Variants in FBXW10B observed in about 807,000 individuals in gnomAD.
The protein encoded by FBXW10B is F-box and WD repeat domain containing protein 10B.
the FBXW10B span, among the ~76,000 whole-genome samples, chr17:15,591,569 C>G: frequency 2.0e-5 from 3 of 152,114 alleles, no homozygotes; most frequent in African/African-American, 7.2e-5. Context: ...ATTACAAGCA[C>G]GAGCCACTGC....
chr17:15,607,013 T>C, the FBXW10B span, among the ~76,000 whole-genome samples: 4 of 152,132 alleles, frequency 2.6e-5, no homozygotes, highest in Non-Finnish European at 5.9e-5. Context: ...TGTCAGAGTA[T>C]GCAATTATAA....
the FBXW10B span, among the ~76,000 whole-genome samples, chr17:15,618,692 T>A: frequency 6.6e-6 from 1 of 152,128 alleles, no homozygotes; most frequent in Non-Finnish European, 1.5e-5. Flanking sequence ...GACACCAGCA[T>A]TAAGGGGTCA....
At chr17:15,615,325 T>C in the FBXW10B span, among the ~76,000 whole-genome samples, 17 of 111,886 alleles carry the variant, frequency 1.5e-4, no homozygotes, top group Non-Finnish European at 2.2e-4. Context: ...GGCTTTCTTT[T>C]TTTTTTTTTT....
chr17:15,589,978 G>A, the FBXW10B span, among the ~76,000 whole-genome samples: 18 of 152,270 alleles, frequency 1.2e-4, no homozygotes, highest in South Asian at 8.3e-4. Flanking sequence ...ATTCTAAAAC[G>A]TATGTGCTTG....
chr17:15,586,354 C>T, the FBXW10B span, among the ~76,000 whole-genome samples: 1 of 151,426 alleles, frequency 6.6e-6, no homozygotes, highest in Non-Finnish European at 1.5e-5. Context: ...CACTATTCTT[C>T]CATCCAAGCG....
At chr17:15,568,359 A>T in the FBXW10B span, among the ~76,000 whole-genome samples, 218 of 151,796 alleles carry the variant, frequency 1.4e-3, 3 homozygotes, top group Non-Finnish European at 1.3e-4. Flanking sequence ...TATGTGTGTA[A>T]TGTGCTAAAT....
At chr17:15,594,706 A>G in the FBXW10B span, 1 of 1,607,568 alleles carries the variant, frequency 6.2e-7, no homozygotes, top group Non-Finnish European at 8.5e-7. Context: ...CGGGGAAGGG[A>G]AGGACACCAG....
At chr17:15,596,068 A>G in the FBXW10B span, among the ~76,000 whole-genome samples, 1 of 151,656 alleles carries the variant, frequency 6.6e-6, no homozygotes, top group Admixed American at 6.6e-5. Context: ...TCTTTTTTTT[A>G]GTAGAGACAG....
At chr17:15,595,973 G>A in the FBXW10B span, among the ~76,000 whole-genome samples, 1 of 145,582 alleles carries the variant, frequency 6.9e-6, no homozygotes, top group Admixed American at 7.0e-5. Context: ...CTGCCTCCCT[G>A]ATTCAAGCAA....
At chr17:15,618,546 T>G in the FBXW10B span, among the ~76,000 whole-genome samples, 1 of 140,770 alleles carries the variant, frequency 7.1e-6, no homozygotes, top group African/African-American at 2.7e-5. Context: ...AGGAGCATGG[T>G]AGAGTGAATG....
chr17:15,601,638 G>A, the FBXW10B span, among the ~76,000 whole-genome samples: 2 of 152,058 alleles, frequency 1.3e-5, no homozygotes, highest in Non-Finnish European at 2.9e-5. Context: ...AAATACACAG[G>A]ACTTTTATGA....
At chr17:15,597,768 C>A in the FBXW10B span, among the ~76,000 whole-genome samples, 3 of 118,920 alleles carry the variant, frequency 2.5e-5, no homozygotes, top group South Asian at 9.3e-4. Context: ...TGGTCTGAGA[C>A]AAAATATAAC....
chr17:15,611,632 C>T, the FBXW10B span, among the ~76,000 whole-genome samples: 1 of 152,188 alleles, frequency 6.6e-6, no homozygotes, highest in African/African-American at 2.4e-5. Flanking sequence ...GAACTAGATG[C>T]TCTCTCTGGA....
the FBXW10B span, chr17:15,593,243 A>G: frequency 1.3e-6 from 2 of 1,592,780 alleles, no homozygotes; most frequent in Non-Finnish European, 1.7e-6. Context: ...TCTCCTCCTG[A>G]CAGCAAATCC....
At chr17:15,594,924 A>C in the FBXW10B span, 1 of 1,611,484 alleles carries the variant, frequency 6.2e-7, no homozygotes, top group African/African-American at 1.3e-5. Flanking sequence ...TTCAACTCAG[A>C]CTGTGACTCC....
At chr17:15,611,287 G>T in the FBXW10B span, among the ~76,000 whole-genome samples, 1 of 152,196 alleles carries the variant, frequency 6.6e-6, no homozygotes, top group Non-Finnish European at 1.5e-5. Context: ...CTCCCAAAGT[G>T]CTGGGATTAC....
the FBXW10B span, among the ~76,000 whole-genome samples, chr17:15,575,771 A>G: frequency 1.0e-3 from 158 of 151,996 alleles, no homozygotes; most frequent in Non-Finnish European, 1.7e-3. Context: ...GGAAAGGGTT[A>G]TAAGGACAAT....
chr17:15,591,893 A>G, the FBXW10B span, among the ~76,000 whole-genome samples: 1 of 152,122 alleles, frequency 6.6e-6, no homozygotes, highest in South Asian at 2.1e-4. Context: ...TATACTTTAT[A>G]AAGTGAGATG....
chr17:15,570,267 C>T, the FBXW10B span, among the ~76,000 whole-genome samples: 1 of 152,054 alleles, frequency 6.6e-6, no homozygotes, highest in Admixed American at 6.6e-5. Context: ...GGAGAATGAG[C>T]GAAGAGACAA....
Sources: allele counts gnomAD v4.1 joint callset (sites outside exome capture counted in the v4.1 genomes callset), GRCh38; gene constraint gnomAD v4.1.1; transcripts MANE v1.5; gene names NCBI Gene and HGNC (gene_info 2026-07-23, HGNC 2026-07-21).